NAALADL2: variants seen among roughly 807,000 people sequenced by gnomAD.
NAALADL2 encodes the protein N-acetylated alpha-linked acidic dipeptidase like 2, also known as inactive N-acetylated-alpha-linked acidic dipeptidase-like protein 2.
In NAALADL2, 76 loss-of-function variants were observed where a neutral mutation model predicts 87.2. That is an observed-to-expected ratio of 0.87 (90% CI 0.72 to 1.05). NAALADL2 has a LOEUF of 1.05. Ranked by LOEUF, NAALADL2 falls within the 50% of genes least tolerant of loss-of-function variation. The pLI is 0.00. For missense variants in NAALADL2, 1,089 were observed against 945.8 expected (o/e 1.15, Z -1.99); for synonymous variants, 354 against 331.0 (o/e 1.07, Z -0.75).
chr3:174,529,335 C>A (rs1721036374), intron 1 of NAALADL2, among the ~76,000 whole-genome samples: 1 of 152,188 alleles, frequency 6.6e-6, no homozygotes, highest in African/African-American at 2.4e-5. Context: ...TGGTCTTGGG[C>A]TGCTCTGCCC....
At chr3:175,356,415 A>C (rs1054296334) in intron 5 of NAALADL2, among the ~76,000 whole-genome samples, 1 of 151,676 alleles carries the variant, frequency 6.6e-6, no homozygotes, top group African/African-American at 2.4e-5. Flanking sequence ...TTCTACAAAA[A>C]CTAAAAATAA....
At chr3:174,578,122 A>G (rs912934849) in intron 2 of NAALADL2, among the ~76,000 whole-genome samples, 3 of 152,028 alleles carry the variant, frequency 2.0e-5, no homozygotes, top group Admixed American at 6.6e-5. Context: ...TTAACGTATT[A>G]TCACTGACCT....
chr3:174,949,141 A>G (rs552753577), intron 1 of NAALADL2, among the ~76,000 whole-genome samples: 11 of 152,296 alleles, frequency 7.2e-5, no homozygotes, highest in African/African-American at 2.4e-4. Context: ...CATTCCCCAA[A>G]GATCCTACCT....
chr3:175,177,206 C>T lies in NAALADL2; in HGVS notation c.546-56725C>T, dbSNP rs189357749. Reference sequence around the variant, plus strand: ...TTTTCCCTAATACCTTACTACTTCCCTGCTATCTCCATTATACCTGTCCCC... The same window carrying T: ...TTTTCCCTAATACCTTACTACTTCCTTGCTATCTCCATTATACCTGTCCCC... On this transcript the variant is annotated intron_variant, in intron 2 of 13. Coordinates refer to ENST00000454872, the MANE Select transcript of NAALADL2 (RefSeq NM_207015.3). Among the ~76,000 whole-genome samples, 124 of 152,152 alleles carry T rather than the reference C, an allele frequency of 8.1e-4. 2 individuals carry two copies. The Middle Eastern group carries it at 0.014, about 17-fold the overall frequency.
chr3:175,038,367 C>T (rs950582009), intron 1 of NAALADL2, among the ~76,000 whole-genome samples: 11 of 152,088 alleles, frequency 7.2e-5, no homozygotes, highest in African/African-American at 1.9e-4. Context: ...TTCACTAAGA[C>T]TCACCTAAGG....
At chr3:174,899,380 C>T (rs1391533080) in intron 1 of NAALADL2, among the ~76,000 whole-genome samples, 3 of 152,074 alleles carry the variant, frequency 2.0e-5, no homozygotes, top group Non-Finnish European at 2.9e-5. Flanking sequence ...ATAGGTGGGG[C>T]CTGGTGAGGG....
chr3:175,426,443 G>A (rs1327568972), intron 5 of NAALADL2, among the ~76,000 whole-genome samples: 4 of 152,098 alleles, frequency 2.6e-5, no homozygotes, highest in Non-Finnish European at 5.9e-5. Flanking sequence ...TTAAAGGCAA[G>A]GTTGTTTATG....
At chr3:175,004,951 G>C (rs897310692) in intron 1 of NAALADL2, among the ~76,000 whole-genome samples, 1 of 151,696 alleles carries the variant, frequency 6.6e-6, no homozygotes. Flanking sequence ...ATATAAAATT[G>C]TGACAATGGT....
chr3:174,747,790 C>A (rs1734410687), intron 3 of NAALADL2, among the ~76,000 whole-genome samples: 1 of 151,968 alleles, frequency 6.6e-6, no homozygotes, highest in Non-Finnish European at 1.5e-5. Flanking sequence ...TACCATTTAA[C>A]CCAGCAATTC....
At chr3:175,435,447 A>C (rs1718466627) in intron 5 of NAALADL2, among the ~76,000 whole-genome samples, 1 of 152,120 alleles carries the variant, frequency 6.6e-6, no homozygotes, top group Non-Finnish European at 1.5e-5. Context: ...TACCATGCTT[A>C]TGTCTTGTAT....
At chr3:175,179,785 G>T (rs56177191) in intron 2 of NAALADL2, among the ~76,000 whole-genome samples, 331 of 151,950 alleles carry the variant, frequency 2.2e-3, no homozygotes, top group African/African-American at 7.8e-3. Context: ...TTATTTTGTT[G>T]CATTTCAATT....
chr3:175,130,911 A>C (rs1194979692), intron 2 of NAALADL2, among the ~76,000 whole-genome samples: 1 of 152,142 alleles, frequency 6.6e-6, no homozygotes, highest in Non-Finnish European at 1.5e-5. Context: ...TTCCATACAA[A>C]TTTAGGATTA....
intron 10 of NAALADL2, among the ~76,000 whole-genome samples, chr3:175,596,013 AT>A (rs1313634576): frequency 6.6e-6 from 1 of 151,990 alleles, no homozygotes; most frequent in African/African-American, 2.4e-5. Context: ...TAACTTCTCC[AT>A]TTTTTAATTC....
At chr3:175,688,446 C>G (rs542798044) in intron 11 of NAALADL2, among the ~76,000 whole-genome samples, 1 of 152,176 alleles carries the variant, frequency 6.6e-6, no homozygotes, top group Non-Finnish European at 1.5e-5. Flanking sequence ...GTCAGAGTAG[C>G]CAATTAAAGC....
intron 1 of NAALADL2, among the ~76,000 whole-genome samples, chr3:174,460,686 T>C (rs1017702114): frequency 1.3e-5 from 2 of 152,068 alleles, no homozygotes; most frequent in Admixed American, 1.3e-4. Flanking sequence ...TTTTAAACTT[T>C]ATAAACGTAA....
At position 174,908,855 on chromosome 3, in the gene NAALADL2, G is replaced by A. The variant is rs563100900; in HGVS notation, c.43+49405G>A. On this transcript the variant is annotated intron_variant, in intron 1 of 13. Transcript: ENST00000454872. The stretch of plus-strand genomic sequence containing the variant: ...GGTATCCAGCCATTTAAAAATAACA[G>A]TGTAAAGCAAAGCCTCTAATTTTAA... Among the ~76,000 whole-genome samples the A allele has an allele frequency of 3.2e-4, 48 of 152,072 alleles. No individual in the cohort carries two copies. In the South Asian group the frequency reaches 5.0e-3, roughly 16 times the overall value.
At chr3:175,324,134 G>T (rs1441092186) in intron 4 of NAALADL2, 41 bp from the exon 5 acceptor site, 1 of 1,581,156 alleles carries the variant, frequency 6.3e-7, no homozygotes, top group Non-Finnish European at 8.6e-7. Flanking sequence ...AACTTTTAAT[G>T]TGCATGATAA....
intron 5 of NAALADL2, among the ~76,000 whole-genome samples, chr3:175,366,974 A>G (rs1391712423): frequency 2.6e-5 from 4 of 151,570 alleles, no homozygotes; most frequent in African/African-American, 9.7e-5. Context: ...GTTTTCTTCT[A>G]GGGTTTTTAT....
chr3:175,210,523 GTAAT>G lies in NAALADL2; in HGVS notation c.546-23405_546-23402del, dbSNP rs577852158. On this transcript the variant is annotated intron_variant, in intron 2 of 13. Coordinates refer to ENST00000454872, the MANE Select transcript of NAALADL2 (RefSeq NM_207015.3). ...AAGAATACATAATATAAGTGAATAT[GTAAT>G]TATATATTAAATCTTACTTATATTG... Among the ~76,000 whole-genome samples the G allele has an allele frequency of 2.0e-3, 296 of 151,702 alleles. 2 individuals are homozygous for G. Among genetic ancestry groups the G allele is most frequent in the African/African-American group, 6.8e-3 (283 of 41,468 alleles).
Sources: allele counts gnomAD v4.1 joint callset (sites outside exome capture counted in the v4.1 genomes callset), GRCh38; gene constraint gnomAD v4.1.1; transcripts MANE v1.5; gene names NCBI Gene and HGNC (gene_info 2026-07-23, HGNC 2026-07-21).